ADAMTS19: variants seen among roughly 807,000 people sequenced by gnomAD.
ADAMTS19 encodes the protein A disintegrin and metalloproteinase with thrombospondin motifs 19.
ADAMTS19 carries 93 observed loss-of-function variants against 153.3 expected under a neutral mutation model. The observed-to-expected ratio is 0.61, with a 90% CI of 0.51 to 0.72. The LOEUF (loss-of-function observed/expected upper bound fraction) is 0.72. Among genes scored for constraint, ADAMTS19 ranks in the 30% least tolerant of loss-of-function variants. The pLI is 0.00. For missense variants in ADAMTS19, 1,482 were observed against 1,552.1 expected, an observed-to-expected ratio of 0.95 and a Z score of 0.76; for synonymous variants, 600 against 556.6, an observed-to-expected ratio of 1.08 and a Z score of -1.10.
intron 7 of ADAMTS19, among the ~76,000 whole-genome samples, chr5:129,571,173 A>G (rs1193656168): frequency 6.6e-6 from 1 of 151,930 alleles, no homozygotes; most frequent in Non-Finnish European, 1.5e-5. Flanking sequence ...CAAGGCATGT[A>G]TGAAAAAACT....
intron 2 of ADAMTS19, among the ~76,000 whole-genome samples, chr5:129,502,522 C>A (rs1367990211): frequency 1.3e-5 from 2 of 152,144 alleles, no homozygotes; most frequent in Non-Finnish European, 2.9e-5. Context: ...TTCTAACTTT[C>A]CTTCTATCAT....
At chr5:129,474,759 G>C (rs529002114) in intron 2 of ADAMTS19, among the ~76,000 whole-genome samples, 1 of 152,208 alleles carries the variant, frequency 6.6e-6, no homozygotes, top group South Asian at 2.1e-4. Context: ...TTGTGCCTCT[G>C]TTGTCTCTTT....
intron 2 of ADAMTS19, among the ~76,000 whole-genome samples, chr5:129,508,360 T>A (rs1751330321): frequency 6.6e-6 from 1 of 151,992 alleles, no homozygotes; most frequent in Non-Finnish European, 1.5e-5. Context: ...ATTTATATTC[T>A]AGAAAAGGAA....
intron 7 of ADAMTS19, among the ~76,000 whole-genome samples, chr5:129,594,416 C>A (rs914344267): frequency 1.3e-5 from 2 of 152,038 alleles, no homozygotes; most frequent in African/African-American, 4.8e-5. Context: ...ATATGGGAAT[C>A]TTAAGAGAAA....
intron 21 of ADAMTS19, among the ~76,000 whole-genome samples, chr5:129,726,724 G>A (rs1230002201): frequency 6.6e-6 from 1 of 152,060 alleles, no homozygotes; most frequent in Non-Finnish European, 1.5e-5. Context: ...ACTTGCATTT[G>A]AGGTTTGTCT....
chr5:129,570,566 A>C (rs1753863225), intron 7 of ADAMTS19, among the ~76,000 whole-genome samples: 1 of 151,860 alleles, frequency 6.6e-6, no homozygotes, highest in Non-Finnish European at 1.5e-5. Flanking sequence ...CTTTCAAAAA[A>C]CAAATGTCAA....
intron 2 of ADAMTS19, among the ~76,000 whole-genome samples, chr5:129,464,291 C>A (rs376823982): frequency 9.2e-5 from 14 of 152,318 alleles, no homozygotes; most frequent in Admixed American, 7.2e-4. Flanking sequence ...TTACCTCTTC[C>A]TTTATATCTC....
At chr5:129,561,541 A>T (rs1561572149) in intron 7 of ADAMTS19, among the ~76,000 whole-genome samples, 1 of 151,966 alleles carries the variant, frequency 6.6e-6, no homozygotes, top group Non-Finnish European at 1.5e-5. Flanking sequence ...GTCTCAAAAA[A>T]AAAAAAAAAA....
At chr5:129,676,862 T>C (rs988456037) in intron 16 of ADAMTS19, among the ~76,000 whole-genome samples, 2 of 152,194 alleles carry the variant, frequency 1.3e-5, no homozygotes, top group African/African-American at 4.8e-5. Context: ...GAATGCTGAA[T>C]GTCAAAAATA....
At chr5:129,584,283 G>A (rs1749673510) in intron 7 of ADAMTS19, among the ~76,000 whole-genome samples, 1 of 152,132 alleles carries the variant, frequency 6.6e-6, no homozygotes, top group African/African-American at 2.4e-5. Context: ...ATCCCAGAGA[G>A]ACACCCACCA....
intron 6 of ADAMTS19, among the ~76,000 whole-genome samples, chr5:129,542,062 T>A (rs1752671313): frequency 6.6e-6 from 1 of 152,140 alleles, no homozygotes; most frequent in Admixed American, 6.6e-5. Flanking sequence ...GGATATTGTT[T>A]GTTTTGAGCC....
At chr5:129,728,175 G>T (rs1431085149) in intron 21 of ADAMTS19, among the ~76,000 whole-genome samples, 1 of 152,042 alleles carries the variant, frequency 6.6e-6, no homozygotes, top group East Asian at 1.9e-4. Flanking sequence ...ACATCAAAAA[G>T]TTACCCTATG....
chr5:129,578,471 T>G (rs1749315651), intron 7 of ADAMTS19, among the ~76,000 whole-genome samples: 1 of 151,590 alleles, frequency 6.6e-6, no homozygotes, highest in Admixed American at 6.6e-5. Context: ...TATATATACT[T>G]TAAGTTCTGG....
At chr5:129,587,218 A>C (rs904187977) in intron 7 of ADAMTS19, among the ~76,000 whole-genome samples, 6 of 152,108 alleles carry the variant, frequency 3.9e-5, no homozygotes, top group African/African-American at 1.2e-4. Flanking sequence ...TAATCTACTA[A>C]TCTCAAATAC....
chr5:129,619,849 T>C (rs1444542278), intron 8 of ADAMTS19, among the ~76,000 whole-genome samples: 1 of 151,966 alleles, frequency 6.6e-6, no homozygotes, highest in African/African-American at 2.4e-5. Flanking sequence ...ATAGAGGCTA[T>C]GTGATAATTC....
chr5:129,569,951 A>G (rs541412308), intron 7 of ADAMTS19, among the ~76,000 whole-genome samples: 40 of 152,084 alleles, frequency 2.6e-4, no homozygotes, highest in African/African-American at 9.6e-4. Flanking sequence ...CATATCAACC[A>G]GAAGGAAAGA....
At chr5:129,605,866 G>A (rs1359355540) in intron 8 of ADAMTS19, among the ~76,000 whole-genome samples, 1 of 152,080 alleles carries the variant, frequency 6.6e-6, no homozygotes. Flanking sequence ...GAGATGTTGA[G>A]TTGGGTAAAA....
chr5:129,484,488 A>G (rs2126676594), intron 2 of ADAMTS19, among the ~76,000 whole-genome samples: 1 of 152,288 alleles, frequency 6.6e-6, no homozygotes, highest in East Asian at 1.9e-4. Flanking sequence ...TTTGTTTTTA[A>G]AATTTGCACA....
chr5:129,644,052 T>C (rs1157507777), intron 11 of ADAMTS19, among the ~76,000 whole-genome samples: 3 of 152,102 alleles, frequency 2.0e-5, no homozygotes, highest in African/African-American at 7.3e-5. Flanking sequence ...TCTGCTATGA[T>C]TTTTTCCCTT....
Sources: gnomAD v4.1 joint callset for allele counts (sites outside exome capture counted in the v4.1 genomes callset) on GRCh38, gnomAD v4.1.1 for gene constraint, MANE v1.5 for transcripts, NCBI Gene and HGNC (gene_info 2026-07-23, HGNC 2026-07-21) for gene names.